The following SBF2 variants were observed in gnomAD, a reference collection of about 807,000 sequenced individuals.
SBF2 encodes SET binding factor 2, also known as myotubularin-related protein 13.
In SBF2, 112 loss-of-function variants were observed where a neutral mutation model predicts 225.2. That is an observed-to-expected ratio of 0.50 (90% CI 0.43 to 0.58). SBF2 has a LOEUF of 0.58. Among genes scored for constraint, SBF2 ranks in the 20% least tolerant of loss-of-function variants. SBF2 has a pLI of 0.00. For synonymous variants in SBF2, 763 were observed against 773.3 expected (o/e 0.99, Z 0.22); for missense variants, 1,996 against 2,206.2 (o/e 0.90, Z 1.91).
intron 26 of SBF2, among the ~76,000 whole-genome samples, chr11:9,834,231 T>C (rs569678183): frequency 6.6e-6 from 1 of 152,076 alleles, no homozygotes; most frequent in Non-Finnish European, 1.5e-5. Context: ...TAGCTGGGAT[T>C]ACAGACATGT....
intron 16 of SBF2, among the ~76,000 whole-genome samples, chr11:9,903,988 C>T (rs1466034404): frequency 6.6e-6 from 1 of 152,100 alleles, no homozygotes; most frequent in Non-Finnish European, 1.5e-5. Context: ...GTGCCAGCTG[C>T]CAATTTATCA....
chr11:9,914,632 T>C (rs1471982017), intron 16 of SBF2, among the ~76,000 whole-genome samples: 2 of 152,078 alleles, frequency 1.3e-5, no homozygotes, highest in African/African-American at 2.4e-5. Flanking sequence ...GGCTTGGCAA[T>C]AACTTTTTGG....
At chr11:9,795,235 A>C (rs1053883935) in intron 33 of SBF2, among the ~76,000 whole-genome samples, 1 of 152,178 alleles carries the variant, frequency 6.6e-6, no homozygotes, top group East Asian at 1.9e-4. Context: ...GTGATGTCTA[A>C]AATTTATTGA....
chr11:9,858,863 T>C (rs1044282412), intron 17 of SBF2, among the ~76,000 whole-genome samples: 1 of 152,138 alleles, frequency 6.6e-6, no homozygotes, highest in Non-Finnish European at 1.5e-5. Context: ...AATGAGGATA[T>C]AGCATGAATT....
Position 10,139,736 on chromosome 11 carries a change from C to T in SBF2, c.141+54166G>A, listed in dbSNP as rs1162670152. 1.3e-5 allele frequency among the ~76,000 whole-genome samples: 2 copies of T among 152,152 alleles called. 1 individual carries two copies. Among genetic ancestry groups the T allele is most frequent in the Non-Finnish European group, 2.9e-5 (2 of 68,032 alleles). Reference sequence around the variant, plus strand: ...AAGTAATTGTCTTCCTGCCTTCATTCCAAAAATATGACTAATCTTGGCCAA... The same window carrying T: ...AAGTAATTGTCTTCCTGCCTTCATTTCAAAAATATGACTAATCTTGGCCAA... On this transcript the variant is annotated intron_variant, in intron 2 of 39. Transcript: ENST00000256190.
At chr11:9,809,256 C>T (rs1035023363) in intron 30 of SBF2, 4 of 406,832 alleles carry the variant, frequency 9.8e-6, no homozygotes, top group Middle Eastern at 7.4e-4. Flanking sequence ...ATTTGAGGTT[C>T]GGAGTTCGAG....
At chr11:10,086,406 T>G (rs1951568126) in intron 2 of SBF2, among the ~76,000 whole-genome samples, 1 of 152,158 alleles carries the variant, frequency 6.6e-6, no homozygotes. Context: ...AAGTTAGGAT[T>G]ATAAATCTAA....
chr11:10,253,249 T>C (rs1306322370), intron 1 of SBF2, among the ~76,000 whole-genome samples: 2 of 151,824 alleles, frequency 1.3e-5, no homozygotes, highest in Non-Finnish European at 2.9e-5. Flanking sequence ...CTTCTACAGA[T>C]CTGACTTTTT....
intron 2 of SBF2, among the ~76,000 whole-genome samples, chr11:10,104,988 T>C (rs569200430): frequency 1.1e-4 from 17 of 152,326 alleles, no homozygotes; most frequent in African/African-American, 3.8e-4. Flanking sequence ...TAGATTCAAA[T>C]TGCTAATATT....
intron 13 of SBF2, among the ~76,000 whole-genome samples, chr11:9,983,190 T>C (rs984473907): frequency 2.6e-5 from 4 of 152,202 alleles, no homozygotes; most frequent in African/African-American, 9.7e-5. Flanking sequence ...CAAGCCCGTC[T>C]GGCAGCCCGT....
chr11:9,897,738 T>C (rs1302631296), intron 16 of SBF2, among the ~76,000 whole-genome samples: 2 of 152,170 alleles, frequency 1.3e-5, no homozygotes, highest in Non-Finnish European at 2.9e-5. Flanking sequence ...GATTTTAAAC[T>C]CATAGAGCTG....
At chr11:9,864,809 C>T (rs568013974) in intron 17 of SBF2, among the ~76,000 whole-genome samples, 2 of 152,282 alleles carry the variant, frequency 1.3e-5, no homozygotes, top group South Asian at 4.1e-4. Context: ...TGGTAGACAT[C>T]AAATCCAAGA....
intron 2 of SBF2, among the ~76,000 whole-genome samples, chr11:10,057,215 C>A (rs377644366): frequency 3.0e-4 from 45 of 152,224 alleles, no homozygotes; most frequent in African/African-American, 1.0e-3. Context: ...GGTGCCTGTT[C>A]CCATATCTCC....
chr11:10,268,807 A>G (rs759311039), intron 1 of SBF2, among the ~76,000 whole-genome samples: 5 of 152,236 alleles, frequency 3.3e-5, no homozygotes, highest in Non-Finnish European at 7.3e-5. Flanking sequence ...GTAAACGGAA[A>G]GACCTTGAAA....
Position 10,183,904 on chromosome 11 carries a change from T to C in SBF2, c.141+9998A>G, listed in dbSNP as rs12288486. On this transcript the variant is annotated intron_variant, in intron 2 of 39. Coordinates refer to ENST00000256190, the MANE Select transcript of SBF2 (RefSeq NM_030962.4). ...CACAGAGTCATAGCTAAATGGGAAA[T>C]ATAAGTTCTCGTGTTCTGTAGCACC... is the stretch of plus-strand genomic sequence containing the variant. Among the ~76,000 whole-genome samples the C allele has an allele frequency of 3.3e-5, 5 of 152,208 alleles. No homozygotes were observed. The South Asian group carries it at 8.3e-4, about 25-fold the overall frequency.
rs1335243970 is a variant in SBF2 at position 10,303,822 on chromosome 11, C to G, written n.386+670G>C. On this transcript the variant is annotated intron_variant and non_coding_transcript_variant, in intron 1 of 5. Coordinates refer to the SBF2 transcript ENST00000685217. The surrounding 1 kb of genome is among the most constrained non-coding windows in gnomAD (Gnocchi z 5.2). Reference sequence around the variant, plus strand: ...GCTTAGCCTTTCCTTCCCAGTTTGGCCCCCAGGAGAGAAGTAAGAAAGAGA... The same window carrying G: ...GCTTAGCCTTTCCTTCCCAGTTTGGGCCCCAGGAGAGAAGTAAGAAAGAGA... 6.6e-6 allele frequency: 1 copy of G among 152,354 alleles called. No individual in the cohort carries two copies. The highest frequency in any genetic ancestry group is 1.9e-4 in the East Asian group (1 of 5,194). 9.4% of individuals were successfully genotyped at this position (152,354 alleles called of 1,614,324 possible).
chr11:10,263,633 G>A (rs554610599), intron 1 of SBF2, among the ~76,000 whole-genome samples: 25 of 152,188 alleles, frequency 1.6e-4, no homozygotes, highest in Admixed American at 9.8e-4. Context: ...AAAGTGAAGG[G>A]TTTGTATAAA....
intron 2 of SBF2, among the ~76,000 whole-genome samples, chr11:10,046,879 CA>C (rs34571490): frequency 0.03 from 2,938 of 99,586 alleles, 36 homozygotes; most frequent in Middle Eastern, 0.076. Context: ...TCTGAAAGGA[CA>C]AAAAAAAAAA....
At chr11:9,781,177 T>G (rs1404697253) in intron 39 of SBF2, among the ~76,000 whole-genome samples, 5 of 152,236 alleles carry the variant, frequency 3.3e-5, no homozygotes, top group Non-Finnish European at 1.5e-5. Flanking sequence ...CGAAGACCAC[T>G]GAATACTAGG....
Sources: allele counts gnomAD v4.1 joint callset (sites outside exome capture counted in the v4.1 genomes callset), GRCh38; gene constraint gnomAD v4.1.1; non-coding constraint Gnocchi (gnomAD v3.1); transcripts MANE v1.5; gene names NCBI Gene and HGNC (gene_info 2026-07-23, HGNC 2026-07-21).